DYNC2I1: variants seen among roughly 807,000 people sequenced by gnomAD.
The protein encoded by DYNC2I1 is cytoplasmic dynein 2 intermediate chain 1.
A neutral mutation model predicts 133.4 loss-of-function variants in DYNC2I1; 89 were observed. That is an observed-to-expected ratio of 0.67 (90% CI 0.56 to 0.80). DYNC2I1 has a LOEUF of 0.80. DYNC2I1 is among the 30% of genes least tolerant of loss of function. The pLI is 0.00. For synonymous variants in DYNC2I1, 504 were observed against 484.3 expected (o/e 1.04, Z -0.54); for missense variants, 1,291 against 1,314.5 (o/e 0.98, Z 0.28).
chr7:158,915,021 C>G (rs185152319), intron 14 of DYNC2I1, among the ~76,000 whole-genome samples: 1 of 152,188 alleles, frequency 6.6e-6, no homozygotes, highest in East Asian at 1.9e-4. Context: ...TACTGCAGCA[C>G]TGAAGAGTGG....
At chr7:158,895,805 C>G (rs575882501) in intron 8 of DYNC2I1, among the ~76,000 whole-genome samples, 1 of 152,142 alleles carries the variant, frequency 6.6e-6, no homozygotes, top group Non-Finnish European at 1.5e-5. Context: ...TTTTGCTTAG[C>G]AGAGCTTTAT....
chr7:158,929,159 G>A (rs929118747), intron 20 of DYNC2I1, among the ~76,000 whole-genome samples: 2 of 152,218 alleles, frequency 1.3e-5, no homozygotes, highest in Non-Finnish European at 2.9e-5. Flanking sequence ...AAGGGAGGAC[G>A]TTCCGACCAG....
chr7:158,899,222 T>A (rs571067256), intron 8 of DYNC2I1, among the ~76,000 whole-genome samples: 1 of 152,192 alleles, frequency 6.6e-6, no homozygotes, highest in Non-Finnish European at 1.5e-5. Context: ...ATTTTAAAAT[T>A]TGTATTATTT....
rs1846351828 is a variant in DYNC2I1 at position 158,902,508 on chromosome 7, A to C, written c.1270A>C (p.Asn424His). 4 of 1,614,064 alleles carry C rather than the reference A, an allele frequency of 2.5e-6. No homozygotes were observed. Among genetic ancestry groups the C allele is most frequent in the Non-Finnish European group, 3.4e-6 (4 of 1,179,886 alleles). Reference sequence around the variant, plus strand: ...AATACAAGAAATTCAAAGAGCTATTAATGCAGAAAATGAAAGGATTGGCGA... The same window carrying C: ...AATACAAGAAATTCAAAGAGCTATTCATGCAGAAAATGAAAGGATTGGCGA... ...KEIQEIQRAINAENERIGELS... is the reference protein window; with the variant it reads ...KEIQEIQRAIHAENERIGELS... The change falls in exon 10 of 25, where the codon AAT becomes CAT. Residue 424 changes from asparagine to histidine, a missense_variant. Transcript: ENST00000407559.
chr7:158,950,061 G>A (rs949923090), downstream of DYNC2I1, among the ~76,000 whole-genome samples: 9 of 152,192 alleles, frequency 5.9e-5, no homozygotes, highest in South Asian at 8.3e-4. Context: ...ATGAGCCACC[G>A]TGCCCAGCCA....
intron 21 of DYNC2I1, 140 bp from the exon 22 acceptor site, chr7:158,933,987 AAC>A (rs1387529305): frequency 1.6e-6 from 1 of 617,932 alleles, no homozygotes; most frequent in East Asian, 3.0e-5. Context: ...AGAAAATAGA[AAC>A]AGAGTGGCTA....
intron 14 of DYNC2I1, among the ~76,000 whole-genome samples, chr7:158,915,980 G>C (rs1427646607): frequency 5.4e-5 from 7 of 129,970 alleles, no homozygotes; most frequent in Non-Finnish European, 1.0e-4. Context: ...AAGGATGATT[G>C]TGAAACGTCG....
At chr7:158,914,376 C>T (rs902358533) in intron 14 of DYNC2I1, 55 bp downstream of exon 14, 8 of 1,414,594 alleles carry the variant, frequency 5.7e-6, no homozygotes, top group Non-Finnish European at 7.8e-6. Context: ...AAGTTTCATT[C>T]TACATAGAAA....
At chr7:158,952,393 C>T (rs1585277708) in intron 4 of DYNC2I1, among the ~76,000 whole-genome samples, 1 of 152,286 alleles carries the variant, frequency 6.6e-6, no homozygotes, top group South Asian at 2.1e-4. Flanking sequence ...TTTAGCTTTT[C>T]TTCTCCATGG....
intron 1 of DYNC2I1, among the ~76,000 whole-genome samples, chr7:158,863,044 A>G (rs531260844): frequency 6.9e-6 from 1 of 144,224 alleles, no homozygotes; most frequent in East Asian, 2.1e-4. Flanking sequence ...CAGCAGCAAG[A>G]TTTATTGTGA....
chr7:158,935,383 T>G (rs534942796), intron 23 of DYNC2I1, among the ~76,000 whole-genome samples: 2 of 152,316 alleles, frequency 1.3e-5, no homozygotes, highest in African/African-American at 4.8e-5. Flanking sequence ...TTAAACAACT[T>G]TATACGTGAT....
At chr7:158,864,407 A>G (rs1228128159) in intron 1 of DYNC2I1, among the ~76,000 whole-genome samples, 2 of 152,284 alleles carry the variant, frequency 1.3e-5, no homozygotes, top group East Asian at 3.9e-4. Context: ...GCTAGTGGTC[A>G]TCCTGAAGGT....
At chr7:158,950,602 A>G (rs1483257643), downstream of DYNC2I1, among the ~76,000 whole-genome samples, 18 of 69,958 alleles carry the variant, frequency 2.6e-4, no homozygotes, top group South Asian at 8.6e-4. Context: ...CAGGTGTTCT[A>G]TATGATTCCA....
intron 18 of DYNC2I1, 32 bp downstream of exon 18, chr7:158,926,332 C>T (rs1849616198): frequency 6.2e-7 from 1 of 1,602,420 alleles, no homozygotes; most frequent in South Asian, 1.1e-5. Flanking sequence ...TAAAATCCTT[C>T]ATCAATGGTT....
intron 1 of DYNC2I1, among the ~76,000 whole-genome samples, chr7:158,866,945 A>G (rs1214900908): frequency 6.6e-6 from 1 of 151,096 alleles, no homozygotes; most frequent in Non-Finnish European, 1.5e-5. Flanking sequence ...TGTTTGCCCT[A>G]ATTTTCACAT....
rs1419602628 is a variant in DYNC2I1 at position 158,911,668 on chromosome 7, A to G, written c.1579A>G (p.Asn527Asp). ...DMYIRNFGKK[N>D]TKQAYVQCNE... ...GTATATCAGAAACTTTGGGAAAAAA[A>G]ATACCAAGCAGGTAAGTATGAGATG... Residue 527 changes from asparagine to aspartate, a missense_variant, in exon 12 of 25, where the codon AAT (asparagine) becomes GAT (aspartate). Asn to Asp is a conservative substitution (Grantham distance 23). Transcript: ENST00000407559. 6.2e-7 allele frequency: 1 copy of G among 1,610,212 alleles called. No homozygotes were observed. The highest frequency in any genetic ancestry group is 1.3e-5 in the African/African-American group (1 of 74,730).
chr7:158,953,604 G>C (rs774448353), intron 4 of DYNC2I1, among the ~76,000 whole-genome samples: 6 of 152,144 alleles, frequency 3.9e-5, no homozygotes, highest in Middle Eastern at 3.2e-3. Flanking sequence ...ACATAGCTGG[G>C]GGCGAATGGT....
intron 1 of DYNC2I1, among the ~76,000 whole-genome samples, chr7:158,865,725 A>C (rs1842345885): frequency 1.3e-5 from 2 of 152,136 alleles, no homozygotes; most frequent in South Asian, 4.1e-4. Flanking sequence ...TGGAGAGTTG[A>C]TTTTAAGCGT....
chr7:158,839,374 C>A, the DYNC2I1 span, among the ~76,000 whole-genome samples: 4 of 147,446 alleles, frequency 2.7e-5, no homozygotes, highest in Non-Finnish European at 5.9e-5. Flanking sequence ...TCCGTAACAC[C>A]TGACTGCAAA....
Sources: gnomAD v4.1 joint callset for allele counts (sites outside exome capture counted in the v4.1 genomes callset) on GRCh38, gnomAD v4.1.1 for gene constraint, MANE v1.5 for transcripts, NCBI Gene and HGNC (gene_info 2026-07-23, HGNC 2026-07-21) for gene names.